Variants in R3HDM1 observed in about 807,000 individuals in gnomAD.
R3HDM1 encodes the protein R3H domain-containing protein 1.
A neutral mutation model predicts 141.1 loss-of-function variants in R3HDM1; 46 were observed. That is an observed-to-expected ratio of 0.33 (90% CI 0.26 to 0.42). The LOEUF (loss-of-function observed/expected upper bound fraction) is 0.42. Among genes scored for constraint, R3HDM1 ranks in the 10% least tolerant of loss-of-function variants. The probability of loss-of-function intolerance (pLI) is 1.00; values close to 1 mark genes in which losing one functional copy is unlikely to be tolerated. For synonymous variants in R3HDM1, 435 were observed against 472.9 expected, an observed-to-expected ratio of 0.92 and a Z score of 1.04; for missense variants, 1,184 against 1,368.3, an observed-to-expected ratio of 0.87 and a Z score of 2.12.
At chr2:135,620,145 C>T (rs1338578839) in intron 5 of R3HDM1, 11 of 206,660 alleles carry the variant, frequency 5.3e-5, no homozygotes, top group Non-Finnish European at 9.3e-5. Flanking sequence ...ATGAAATCTG[C>T]TAGTTACTGG....
chr2:135,673,644 T>C (rs1346633594), intron 19 of R3HDM1, among the ~76,000 whole-genome samples: 1 of 152,200 alleles, frequency 6.6e-6, no homozygotes, highest in Non-Finnish European at 1.5e-5. Context: ...ATCAATCACT[T>C]TATTACAGAT....
chr2:135,628,328 A>C (rs2062259687), intron 7 of R3HDM1, among the ~76,000 whole-genome samples: 1 of 152,236 alleles, frequency 6.6e-6, no homozygotes, highest in Non-Finnish European at 1.5e-5. Flanking sequence ...TTTTTTTAAC[A>C]AGTGCTACTA....
rs2077027207 is a variant in R3HDM1 at position 135,725,055 on chromosome 2, T to C, written c.*763T>C. The stretch of plus-strand genomic sequence containing the variant: ...ATTTGCATTCTCCTTGTGGATTTTT[T>C]GTCACCTAAGGAAATGCATTTGATG... On this transcript the variant is annotated 3_prime_UTR_variant, in exon 27 of 27. Coordinates refer to ENST00000683871, the MANE Select transcript of R3HDM1 (RefSeq NM_001378107.1). The C allele has an allele frequency of 6.6e-6, 1 of 152,670 alleles. No homozygotes were observed. The highest frequency in any genetic ancestry group is 1.5e-5 in the Non-Finnish European group (1 of 68,034). The allele number at this position is 152,670 out of a possible 1,614,324, so 9.5% of individuals were successfully genotyped here.
At chr2:135,711,963 TA>T (rs35616482) in intron 23 of R3HDM1, among the ~76,000 whole-genome samples, 31,357 of 84,570 alleles carry the variant, frequency 0.37, 4,782 homozygotes, top group Middle Eastern at 0.62. Flanking sequence ...TGTCTAAAAT[TA>T]AAAAAAAAAA....
chr2:135,667,092 T>C (rs943315085), intron 19 of R3HDM1: 6 of 906,520 alleles, frequency 6.6e-6, no homozygotes, highest in Non-Finnish European at 7.9e-6. Context: ...TTATTAAGAA[T>C]GCTTTCCTTT....
At chr2:135,692,755 A>G (rs1190288651) in intron 21 of R3HDM1, among the ~76,000 whole-genome samples, 1 of 152,188 alleles carries the variant, frequency 6.6e-6, no homozygotes, top group East Asian at 1.9e-4. Flanking sequence ...ACCCCCAGGC[A>G]GAAGGATATC....
intron 1 of R3HDM1, among the ~76,000 whole-genome samples, chr2:135,538,016 A>G (rs1168389052): frequency 6.6e-6 from 1 of 152,320 alleles, no homozygotes; most frequent in East Asian, 1.9e-4. Context: ...GTTTAACATT[A>G]GGGATAAATT....
chr2:135,574,074 A>G (rs1298098216), intron 1 of R3HDM1, among the ~76,000 whole-genome samples: 1 of 152,188 alleles, frequency 6.6e-6, no homozygotes, highest in Non-Finnish European at 1.5e-5. Flanking sequence ...ACAAATCTGT[A>G]TTCTGAAAAT....
At position 135,636,167 on chromosome 2, in the gene R3HDM1, G is replaced by T; in HGVS notation, c.887G>T (p.Arg296Leu). The T allele has an allele frequency of 1.2e-6, 2 of 1,612,590 alleles. No homozygotes were observed. Among genetic ancestry groups the T allele is most frequent in the South Asian group, 2.2e-5 (2 of 90,836 alleles). The change falls in exon 11 of 27, where the codon CGA (arginine) becomes CTA (leucine). Residue 296 changes from arginine (R) to leucine (L), a missense_variant. Physicochemically the swap from Arg to Leu is moderately radical, Grantham distance 102. Around this residue, in one of 5 missense-constraint regions of R3HDM1, gnomAD observed 240 missense variants for 312.3 expected, o/e 0.77. Transcript: ENST00000683871. ...GAAGAGTACCAGAGAGCCAGAGACC[G>T]AATATTTTCCCAAGATGTACGTACT... Reference protein sequence around the residue: ...REEEYQRARDRIFSQDSLCSQ... With the variant: ...REEEYQRARDLIFSQDSLCSQ...
chr2:135,581,505 C>A (rs558134833), intron 1 of R3HDM1: 1 of 643,914 alleles, frequency 1.6e-6, no homozygotes, highest in African/African-American at 2.0e-5. Context: ...ACAATCTTTC[C>A]TCACCACTTA....
chr2:135,543,922 A>G (rs897408028), intron 1 of R3HDM1, among the ~76,000 whole-genome samples: 5 of 152,228 alleles, frequency 3.3e-5, no homozygotes, highest in African/African-American at 1.2e-4. Context: ...TTAGAGAACC[A>G]CATGTTGAAT....
At chr2:135,578,941 A>G (rs1214138492) in intron 1 of R3HDM1, among the ~76,000 whole-genome samples, 1 of 152,170 alleles carries the variant, frequency 6.6e-6, no homozygotes, top group African/African-American at 2.4e-5. Context: ...TTTTTAATAT[A>G]TATGTATATA....
chr2:135,678,441 A>G (rs2069596776), intron 20 of R3HDM1, among the ~76,000 whole-genome samples: 1 of 151,998 alleles, frequency 6.6e-6, no homozygotes, highest in African/African-American at 2.4e-5. Context: ...ACCCATCTAT[A>G]AAATAGATGA....
intron 1 of R3HDM1, among the ~76,000 whole-genome samples, chr2:135,533,615 G>A (rs1371114605): frequency 1.3e-5 from 2 of 152,192 alleles, no homozygotes; most frequent in African/African-American, 4.8e-5. Flanking sequence ...GCGCGTTGGC[G>A]CACCTGTAAT....
intron 19 of R3HDM1, among the ~76,000 whole-genome samples, chr2:135,661,855 T>G (rs1483659067): frequency 6.6e-6 from 1 of 152,226 alleles, no homozygotes; most frequent in Non-Finnish European, 1.5e-5. Flanking sequence ...AAAGAAATGA[T>G]GTACTTAGCA....
chr2:135,623,415 GT>G (rs1196062491), intron 7 of R3HDM1, among the ~76,000 whole-genome samples: 1 of 152,120 alleles, frequency 6.6e-6, no homozygotes, highest in East Asian at 1.9e-4. Flanking sequence ...TAAAAATGAT[GT>G]CACTAGATAT....
At chr2:135,651,672 T>C in intron 17 of R3HDM1, 58 bp from the exon 18 acceptor site, 2 of 1,504,188 alleles carry the variant, frequency 1.3e-6, no homozygotes, top group Non-Finnish European at 1.8e-6. Context: ...TATTTTTCTT[T>C]GATAAGTTTG....
chr2:135,678,229 G>T (rs1052589354), intron 20 of R3HDM1, among the ~76,000 whole-genome samples: 2 of 151,938 alleles, frequency 1.3e-5, no homozygotes, highest in Non-Finnish European at 2.9e-5. Flanking sequence ...CTCCCAAAGT[G>T]CTGGGATTAC....
At chr2:135,614,510 G>A (rs938997274) in intron 3 of R3HDM1, among the ~76,000 whole-genome samples, 1 of 152,194 alleles carries the variant, frequency 6.6e-6, no homozygotes, top group Non-Finnish European at 1.5e-5. Context: ...AGTGCAAGTA[G>A]TATGAACTTT....
Sources: gnomAD v4.1 joint callset for allele counts (sites outside exome capture counted in the v4.1 genomes callset) on GRCh38, gnomAD v4.1.1 for gene constraint, gnomAD v4.1.1 regional missense constraint, MANE v1.5 for transcripts, NCBI Gene and HGNC (gene_info 2026-07-23, HGNC 2026-07-21) for gene names.